The following FMN1 variants were observed in gnomAD, a reference collection of about 807,000 sequenced individuals.
The protein encoded by FMN1 is formin 1.
In FMN1, 110 loss-of-function variants were observed where a neutral mutation model predicts 132.4. The observed-to-expected ratio is 0.83, with a 90% CI of 0.71 to 0.97. The LOEUF is 0.97. Among genes scored for constraint, FMN1 ranks in the 50% least tolerant of loss-of-function variants. FMN1 has a pLI of 0.00. For missense variants in FMN1, 1,792 were observed against 1,705.3 expected (o/e 1.05, Z -0.90); for synonymous variants, 722 against 651.7 (o/e 1.11, Z -1.64).
intron 5 of FMN1, among the ~76,000 whole-genome samples, chr15:33,084,184 ACTTT>A (rs2038600926): frequency 6.6e-6 from 1 of 152,110 alleles, no homozygotes; most frequent in Non-Finnish European, 1.5e-5. Flanking sequence ...TTATTCCTTT[ACTTT>A]CTTAGTAAAC....
intron 6 of FMN1, among the ~76,000 whole-genome samples, chr15:33,044,882 AC>A (rs139324949): frequency 2.1e-4 from 32 of 152,280 alleles, no homozygotes; most frequent in South Asian, 4.1e-4. Context: ...TTGTCCATAT[AC>A]CTCATTCTTC....
intron 19 of FMN1, among the ~76,000 whole-genome samples, chr15:32,785,745 C>A (rs1353845916): frequency 6.6e-6 from 1 of 152,050 alleles, no homozygotes; most frequent in African/African-American, 2.4e-5. Flanking sequence ...AAAGCCCTAC[C>A]AGCTACCTAG....
intron 7 of FMN1, among the ~76,000 whole-genome samples, chr15:32,976,185 A>C (rs2032187959): frequency 6.6e-6 from 1 of 152,190 alleles, no homozygotes; most frequent in South Asian, 2.1e-4. Context: ...GGACTCTTCC[A>C]AATTCTACAT....
At chr15:32,916,951 CA>C (rs745916358) in intron 10 of FMN1, among the ~76,000 whole-genome samples, 1 of 152,084 alleles carries the variant, frequency 6.6e-6, no homozygotes, top group Non-Finnish European at 1.5e-5. Context: ...CTATATCCCA[CA>C]AAACTCTGAC....
intron 5 of FMN1, chr15:33,067,570 CTCTGAT>C (rs765631993): frequency 2.5e-6 from 4 of 1,613,846 alleles, no homozygotes; most frequent in Admixed American, 3.3e-5. Context: ...TCTGACTTCC[CTCTGAT>C]TCTGTCTCCA....
At chr15:33,056,107 A>G (rs2037205023) in intron 6 of FMN1, among the ~76,000 whole-genome samples, 1 of 152,208 alleles carries the variant, frequency 6.6e-6, no homozygotes, top group Non-Finnish European at 1.5e-5. Context: ...TGGATGTATA[A>G]ACTGATAAAA....
chr15:33,081,413 C>A (rs1257742442), intron 5 of FMN1, among the ~76,000 whole-genome samples: 1 of 152,076 alleles, frequency 6.6e-6, no homozygotes, highest in Non-Finnish European at 1.5e-5. Flanking sequence ...ATATCCATCA[C>A]CTCAATCACC....
intron 4 of FMN1, among the ~76,000 whole-genome samples, chr15:33,145,250 G>C (rs1471492521): frequency 4.6e-5 from 7 of 151,846 alleles, no homozygotes; most frequent in Non-Finnish European, 8.8e-5. Flanking sequence ...CAGATGTGTT[G>C]CCCAAGGCAC....
chr15:33,112,243 G>A lies in FMN1; in HGVS notation c.1868-23269C>T, dbSNP rs183225571. On this transcript the variant is annotated intron_variant, in intron 4 of 20. Transcript: ENST00000616417. ...ATTATAAAGGTATAATTAAAGAGAT[G>A]GTATATAAACATTAGAAGTTTGAAA... Among the ~76,000 whole-genome samples the A allele has an allele frequency of 8.5e-5, 13 of 152,066 alleles. No individual in the cohort carries two copies. The East Asian group carries it at 2.5e-3, about 29-fold the overall frequency.
intron 13 of FMN1, among the ~76,000 whole-genome samples, chr15:32,901,068 C>T (rs909069909): frequency 6.6e-6 from 1 of 151,948 alleles, no homozygotes; most frequent in Non-Finnish European, 1.5e-5. Context: ...GCAGGAGAAT[C>T]GCTTGAGCCC....
At chr15:32,812,434 T>C (rs1473319031) in intron 17 of FMN1, among the ~76,000 whole-genome samples, 1 of 152,222 alleles carries the variant, frequency 6.6e-6, no homozygotes, top group Non-Finnish European at 1.5e-5. Flanking sequence ...ATATACATAA[T>C]GTAATACATT....
intron 7 of FMN1, among the ~76,000 whole-genome samples, chr15:32,978,717 T>C (rs1366711773): frequency 1.3e-5 from 2 of 152,198 alleles, no homozygotes; most frequent in African/African-American, 2.4e-5. Flanking sequence ...AATTAATTAA[T>C]CATTTTAATA....
chr15:32,823,515 T>C (rs2058288347), intron 17 of FMN1, among the ~76,000 whole-genome samples: 1 of 152,114 alleles, frequency 6.6e-6, no homozygotes, highest in Admixed American at 6.5e-5. Flanking sequence ...AGAGGTCATC[T>C]CTGCAGAATG....
chr15:33,077,207 T>A (rs535989976), intron 5 of FMN1, among the ~76,000 whole-genome samples: 1 of 152,174 alleles, frequency 6.6e-6, no homozygotes, highest in African/African-American at 2.4e-5. Flanking sequence ...TTTTGTTTTG[T>A]TTTGTTTTCT....
chr15:33,165,913 C>G (rs918466473), intron 3 of FMN1, among the ~76,000 whole-genome samples: 2 of 152,140 alleles, frequency 1.3e-5, no homozygotes, highest in Non-Finnish European at 2.9e-5. Context: ...GACAGAAAAC[C>G]TATTTTTTGG....
At chr15:32,842,120 G>A (rs1487993283) in intron 17 of FMN1, among the ~76,000 whole-genome samples, 1 of 152,218 alleles carries the variant, frequency 6.6e-6, no homozygotes, top group Non-Finnish European at 1.5e-5. Context: ...GTGACGTGAT[G>A]TTTCATTCCC....
chr15:32,847,900 A>G (rs1260335714), intron 17 of FMN1, among the ~76,000 whole-genome samples: 1 of 152,180 alleles, frequency 6.6e-6, no homozygotes, highest in Admixed American at 6.5e-5. Flanking sequence ...CCTAAAATGC[A>G]AATACCCACG....
intron 16 of FMN1, among the ~76,000 whole-genome samples, chr15:32,867,375 T>C (rs1386843633): frequency 6.6e-6 from 1 of 152,178 alleles, no homozygotes; most frequent in Non-Finnish European, 1.5e-5. Context: ...TGGCCCTTCT[T>C]TCCATTCCTC....
chr15:33,121,180 AAATT>A (rs1437026437), intron 4 of FMN1, among the ~76,000 whole-genome samples: 4 of 152,242 alleles, frequency 2.6e-5, no homozygotes, highest in African/African-American at 9.6e-5. Context: ...CAACAACAAA[AAATT>A]AAACTCTTGC....
Sources: allele counts gnomAD v4.1 joint callset (sites outside exome capture counted in the v4.1 genomes callset), GRCh38; gene constraint gnomAD v4.1.1; transcripts MANE v1.5; gene names NCBI Gene and HGNC (gene_info 2026-07-23, HGNC 2026-07-21).